Variants in VSNL1 observed in about 807,000 individuals in gnomAD.
VSNL1 encodes visinin like 1, also known as visinin-like protein 1.
A neutral mutation model predicts 20.4 loss-of-function variants in VSNL1; 6 were observed. The observed-to-expected ratio is 0.29, with a 90% CI of 0.16 to 0.58. The LOEUF (loss-of-function observed/expected upper bound fraction) is 0.58. Ranked by LOEUF, VSNL1 falls within the 20% of genes least tolerant of loss-of-function variation. The probability of loss-of-function intolerance (pLI) is 0.90; values close to 1 mark genes in which losing one functional copy is unlikely to be tolerated. For missense variants in VSNL1, 100 were observed against 234.5 expected (o/e 0.43, Z 3.75); for synonymous variants, 93 against 86.4 (o/e 1.08, Z -0.42).
In VSNL1 at chr2:17,589,611, T is replaced by C. The variant is rs562171877; in HGVS notation, c.-5-2459T>C. On this transcript the variant is annotated intron_variant, in intron 1 of 3. Coordinates refer to ENST00000295156, the MANE Select transcript of VSNL1 (RefSeq NM_003385.5). ...ATGGTGCAGACCCATACAAGAAGCA[T>C]GAAGTTATGCACTTGAGTCTCCAAA... Among the ~76,000 whole-genome samples the C allele has an allele frequency of 7.9e-5, 12 of 152,304 alleles. No individual in the cohort carries two copies. In the South Asian group the frequency reaches 2.5e-3, roughly 32 times the overall value.
rs1666242832 is a variant in VSNL1 at position 17,656,805 on chromosome 2, G to A, written c.*1411G>A. The A allele has an allele frequency of 6.6e-6, 1 of 152,168 alleles. No individual in the cohort carries two copies. Among genetic ancestry groups the A allele is most frequent in the African/African-American group, 2.4e-5 (1 of 41,434 alleles). 9.4% of individuals were successfully genotyped at this position (152,168 alleles called of 1,614,324 possible). On this transcript the variant is annotated 3_prime_UTR_variant, in exon 4 of 4. Coordinates refer to ENST00000295156, the MANE Select transcript of VSNL1 (RefSeq NM_003385.5). ...CTATAACTGCACATATGGCTACTGA[G>A]CACTTCAAGTATGGCTAGCGTGACT...
In VSNL1 at chr2:17,592,847, A is replaced by G. The variant is rs1047166865; in HGVS notation, c.162+611A>G. The stretch of plus-strand genomic sequence containing the variant: ...AAGCTAAACTTTCCCTGAACATTAC[A>G]CAGAACAGTCCCATAAAAGGTACAA... On this transcript the variant is annotated intron_variant, in intron 2 of 3. Coordinates refer to ENST00000295156, the MANE Select transcript of VSNL1 (RefSeq NM_003385.5). Among the ~76,000 whole-genome samples, 27 of 151,976 alleles carry G rather than the reference A, an allele frequency of 1.8e-4. No individual in the cohort carries two copies. In the East Asian group the frequency reaches 1.9e-3, roughly 11 times the overall value.
intron 1 of VSNL1, among the ~76,000 whole-genome samples, chr2:17,587,501 CTCCTGG>C (rs746832336): frequency 5.9e-5 from 9 of 152,164 alleles, no homozygotes; most frequent in Non-Finnish European, 1.0e-4. Flanking sequence ...CCACGAAGTT[CTCCTGG>C]TCCTCTTCTA....
At chr2:17,622,606 A>T (rs1440989986) in intron 2 of VSNL1, among the ~76,000 whole-genome samples, 2 of 139,124 alleles carry the variant, frequency 1.4e-5, no homozygotes, top group Non-Finnish European at 3.3e-5. Context: ...GAAAGAAAAG[A>T]AAGAAAGATC....
At chr2:17,600,977 C>G (rs925262430) in intron 2 of VSNL1, among the ~76,000 whole-genome samples, 2 of 152,172 alleles carry the variant, frequency 1.3e-5, no homozygotes, top group African/African-American at 4.8e-5. Flanking sequence ...GCAATTACCC[C>G]ACAGGGGTCA....
intron 2 of VSNL1, among the ~76,000 whole-genome samples, chr2:17,598,783 AGT>A (rs1164774294): frequency 6.6e-6 from 1 of 152,252 alleles, no homozygotes; most frequent in Non-Finnish European, 1.5e-5. Flanking sequence ...GTTCCATAAC[AGT>A]GGTTATTGAG....
intron 2 of VSNL1, among the ~76,000 whole-genome samples, chr2:17,645,589 G>A (rs1035821088): frequency 2.6e-5 from 4 of 152,236 alleles, no homozygotes; most frequent in African/African-American, 7.2e-5. Context: ...AGAGGCTAAT[G>A]TGTCTGGTTC....
intron 1 of VSNL1, among the ~76,000 whole-genome samples, chr2:17,579,987 G>C (rs1230333081): frequency 2.0e-5 from 3 of 152,184 alleles, no homozygotes; most frequent in African/African-American, 7.2e-5. Flanking sequence ...GAGACACAGT[G>C]CTGGGAGTCA....
chr2:17,557,791 G>T lies in VSNL1; in HGVS notation c.-6+16873G>T, dbSNP rs896136917. ...TTTTGATGTTGGTAAATCTCCAAGG[G>T]AAGCTTACCCTCTGATGCAAAGTTC... On this transcript the variant is annotated intron_variant, in intron 1 of 3. Transcript: ENST00000295156. 1.1e-4 allele frequency among the ~76,000 whole-genome samples: 17 copies of T among 152,180 alleles called. No individual in the cohort carries two copies. In the East Asian group the frequency reaches 3.1e-3, roughly 28 times the overall value.
At chr2:17,560,915 C>T (rs1199258482) in intron 1 of VSNL1, among the ~76,000 whole-genome samples, 1 of 152,154 alleles carries the variant, frequency 6.6e-6, no homozygotes, top group African/African-American at 2.4e-5. Context: ...AGAGCTACTA[C>T]AAACAGGATA....
At chr2:17,606,881 G>A (rs758897442) in intron 2 of VSNL1, among the ~76,000 whole-genome samples, 1 of 152,182 alleles carries the variant, frequency 6.6e-6, no homozygotes, top group Non-Finnish European at 1.5e-5. Context: ...TCTGGGGTGG[G>A]AAGGATTCTG....
At position 17,649,428 on chromosome 2, in the gene VSNL1, G is replaced by C. The variant is rs761448259; in HGVS notation, c.181G>C (p.Ala61Pro). Residue 61 changes from alanine to proline, a missense_variant, in exon 3 of 4, where the codon GCC (alanine) becomes CCC (proline). Transcript: ENST00000295156. This position sits in a 1 kb window ranked among gnomAD's most constrained non-coding sequence, Gnocchi z 6.4. ...LYVKFFPYGDASKFAQHAFRT... is the reference protein window; with the variant it reads ...LYVKFFPYGDPSKFAQHAFRT... Reference sequence around the variant, plus strand: ...TTTGCAGTTCTTTCCTTATGGAGACGCCTCCAAGTTTGCCCAGCATGCCTT... The same window carrying C: ...TTTGCAGTTCTTTCCTTATGGAGACCCCTCCAAGTTTGCCCAGCATGCCTT... 1 of 1,614,168 alleles carries C rather than the reference G, an allele frequency of 6.2e-7. No individual in the cohort carries two copies. The highest frequency in any genetic ancestry group is 8.5e-7 in the Non-Finnish European group (1 of 1,180,028).
intron 1 of VSNL1, among the ~76,000 whole-genome samples, chr2:17,547,261 G>C (rs1663425143): frequency 6.6e-6 from 1 of 151,968 alleles, no homozygotes; most frequent in South Asian, 2.1e-4. Context: ...TTCTTGAACA[G>C]AAAATAGAAG....
chr2:17,576,221 C>T (rs1014218365), intron 1 of VSNL1, among the ~76,000 whole-genome samples: 3 of 152,174 alleles, frequency 2.0e-5, no homozygotes, highest in East Asian at 1.9e-4. Flanking sequence ...CTCCACTTAG[C>T]GTATCATAAG....
chr2:17,593,093 C>T (rs778848851), intron 2 of VSNL1, among the ~76,000 whole-genome samples: 8 of 152,106 alleles, frequency 5.3e-5, no homozygotes, highest in Non-Finnish European at 8.8e-5. Context: ...TATTGAATCA[C>T]CCAGATGTAT....
intron 1 of VSNL1, among the ~76,000 whole-genome samples, chr2:17,576,617 G>T (rs1048916344): frequency 5.3e-5 from 8 of 152,040 alleles, no homozygotes; most frequent in African/African-American, 1.9e-4. Flanking sequence ...TTATTTTTAA[G>T]CAATGTTAAT....
chr2:17,596,169 C>T (rs546700904), intron 2 of VSNL1, among the ~76,000 whole-genome samples: 2 of 152,290 alleles, frequency 1.3e-5, no homozygotes, highest in African/African-American at 4.8e-5. Context: ...TCTGTGCCCT[C>T]TACATCTGAT....
chr2:17,603,140 G>A (rs1367785261), intron 2 of VSNL1, among the ~76,000 whole-genome samples: 1 of 152,202 alleles, frequency 6.6e-6, no homozygotes, highest in African/African-American at 2.4e-5. Context: ...TCCTAACAGA[G>A]AGACAACCTA....
At chr2:17,610,027 A>G (rs188496298) in intron 2 of VSNL1, among the ~76,000 whole-genome samples, 35 of 152,302 alleles carry the variant, frequency 2.3e-4, no homozygotes, top group African/African-American at 8.2e-4. Context: ...GTCTTTATTT[A>G]ATCGCATTAC....
Sources: allele counts gnomAD v4.1 joint callset (sites outside exome capture counted in the v4.1 genomes callset), GRCh38; gene constraint gnomAD v4.1.1; non-coding constraint Gnocchi (gnomAD v3.1); transcripts MANE v1.5; gene names NCBI Gene and HGNC (gene_info 2026-07-23, HGNC 2026-07-21).